The following CCDC91 variants were observed in gnomAD, a reference collection of about 807,000 sequenced individuals.
CCDC91 encodes coiled-coil domain containing 91.
In CCDC91, 48 loss-of-function variants were observed where a neutral mutation model predicts 63.2. That is an observed-to-expected ratio of 0.76 (90% CI 0.60 to 0.97). The LOEUF (loss-of-function observed/expected upper bound fraction) is 0.97, where lower values mean the gene tolerates loss of function less well. Ranked by LOEUF, CCDC91 falls within the 50% of genes least tolerant of loss-of-function variation. The pLI is 0.00. For synonymous variants in CCDC91, 167 were observed against 165.8 expected, an observed-to-expected ratio of 1.01 and a Z score of -0.06; for missense variants, 500 against 494.6, an observed-to-expected ratio of 1.01 and a Z score of -0.10.
chr12:28,502,757 A>G (rs1938108883), intron 12 of CCDC91, among the ~76,000 whole-genome samples: 2 of 151,082 alleles, frequency 1.3e-5, no homozygotes, highest in South Asian at 2.1e-4. Context: ...GGAACAGAAC[A>G]GAGCCCTCAG....
chr12:28,218,463 TA>T lies in CCDC91; in HGVS notation c.-15+27833del, dbSNP rs201289898. Among the ~76,000 whole-genome samples the T allele has an allele frequency of 1.1e-3, 101 of 95,836 alleles. 1 individual carries two copies. In the South Asian group the frequency reaches 0.011, roughly 11 times the overall value. The allele number at this position is 95,836 out of a possible 152,430, so 62.9% of individuals were successfully genotyped here. A position where few individuals can be genotyped will look rare whatever the true frequency, so the allele number is the denominator to read the frequency against. ...AACTCCTCAAGCTGGAAGACAAAAT[TA>T]AAAAAAAAAATCACCAATATTAAGT... On this transcript the variant is annotated intron_variant, in intron 1 of 12. Coordinates refer to ENST00000536442, the MANE Select transcript of CCDC91 (RefSeq NM_018318.5).
chr12:28,380,090 C>T (rs781471666), intron 7 of CCDC91, among the ~76,000 whole-genome samples: 21 of 151,914 alleles, frequency 1.4e-4, no homozygotes, highest in Admixed American at 2.6e-4. Context: ...AACCAAACAC[C>T]GCATGTTTTC....
intron 6 of CCDC91, among the ~76,000 whole-genome samples, chr12:28,343,409 G>A (rs557491070): frequency 6.6e-6 from 1 of 152,038 alleles, no homozygotes; most frequent in Non-Finnish European, 1.5e-5. Context: ...GAGAGTTTGA[G>A]AGGAATGATA....
At chr12:28,400,068 T>A (rs1327119592) in intron 8 of CCDC91, among the ~76,000 whole-genome samples, 1 of 152,194 alleles carries the variant, frequency 6.6e-6, no homozygotes, top group African/African-American at 2.4e-5. Flanking sequence ...CCTTCCTCAC[T>A]GCCCTAGCAG....
intron 8 of CCDC91, among the ~76,000 whole-genome samples, chr12:28,423,532 T>C (rs1324092948): frequency 1.1e-4 from 17 of 152,130 alleles, no homozygotes; most frequent in Non-Finnish European, 2.4e-4. Flanking sequence ...TCAACATTTA[T>C]TGCTATGAAA....
intron 6 of CCDC91, among the ~76,000 whole-genome samples, chr12:28,316,892 C>G (rs2137310078): frequency 6.6e-6 from 1 of 151,918 alleles, no homozygotes; most frequent in East Asian, 1.9e-4. Flanking sequence ...ATTTTCCCAG[C>G]AATTTGTCCT....
At chr12:28,389,472 A>G (rs924881027) in intron 7 of CCDC91, among the ~76,000 whole-genome samples, 4 of 152,086 alleles carry the variant, frequency 2.6e-5, no homozygotes, top group African/African-American at 9.7e-5. Context: ...TATTTTACTC[A>G]TTATCCTCCT....
intron 6 of CCDC91, among the ~76,000 whole-genome samples, chr12:28,317,597 T>C (rs1381439204): frequency 2.3e-4 from 35 of 152,118 alleles, no homozygotes; most frequent in Admixed American, 1.8e-3. Context: ...TTATTGTTTA[T>C]TTTCACCTTG....
At chr12:28,523,344 C>T (rs1940925595) in intron 12 of CCDC91, among the ~76,000 whole-genome samples, 2 of 152,070 alleles carry the variant, frequency 1.3e-5, no homozygotes, top group Admixed American at 1.3e-4. Flanking sequence ...TTCTTTGTCT[C>T]TTTTGATCTC....
intron 12 of CCDC91, among the ~76,000 whole-genome samples, chr12:28,516,059 G>A (rs1363453946): frequency 6.6e-6 from 1 of 151,968 alleles, no homozygotes; most frequent in Non-Finnish European, 1.5e-5. Flanking sequence ...TTCTGACATT[G>A]AAGCATTTCA....
intron 1 of CCDC91, among the ~76,000 whole-genome samples, chr12:28,219,467 C>A (rs1016371804): frequency 2.8e-5 from 4 of 144,108 alleles, no homozygotes; most frequent in African/African-American, 8.1e-5. Context: ...CCAGTGTAAC[C>A]ATTTTTTTTT....
intron 6 of CCDC91, among the ~76,000 whole-genome samples, chr12:28,349,381 TGTATA>T (rs1943031747): frequency 1.3e-5 from 2 of 152,200 alleles, no homozygotes; most frequent in Non-Finnish European, 2.9e-5. Flanking sequence ...CAGACTTGAC[TGTATA>T]GTTATAATGA....
intron 1 of CCDC91, among the ~76,000 whole-genome samples, chr12:28,243,035 A>T (rs1945449712): frequency 6.6e-6 from 1 of 152,180 alleles, no homozygotes; most frequent in Non-Finnish European, 1.5e-5. Flanking sequence ...CAACCTGCAG[A>T]ACCGTGGGCC....
rs114434431 is a variant in CCDC91, at chr12:28,254,515, T to A, written c.-14-2687T>A. Among the ~76,000 whole-genome samples, 414 of 152,328 alleles carry A rather than the reference T, an allele frequency of 2.7e-3. 3 individuals carry two copies. The highest frequency in any genetic ancestry group is 9.6e-3 in the African/African-American group (400 of 41,588). Reference sequence around the variant, plus strand: ...AAATACATAAATAAGCCCACATTTGTATATTTCCTTTTAAAAACTGTTGAT... The same window carrying A: ...AAATACATAAATAAGCCCACATTTGAATATTTCCTTTTAAAAACTGTTGAT... On this transcript the variant is annotated intron_variant, in intron 1 of 12. Coordinates refer to ENST00000536442, the MANE Select transcript of CCDC91 (RefSeq NM_018318.5).
intron 11 of CCDC91, among the ~76,000 whole-genome samples, chr12:28,457,409 A>T (rs1023755119): frequency 6.6e-6 from 1 of 151,346 alleles, no homozygotes. Context: ...AAAAGCAACC[A>T]TAATTAATAG....
At chr12:28,275,136 C>A (rs182642896) in intron 3 of CCDC91, among the ~76,000 whole-genome samples, 22 of 151,816 alleles carry the variant, frequency 1.4e-4, no homozygotes, top group African/African-American at 5.1e-4. Context: ...GAATTGAAGG[C>A]GATAGAGACA....
chr12:28,410,582 C>T (rs564993074), intron 8 of CCDC91, among the ~76,000 whole-genome samples: 1 of 152,158 alleles, frequency 6.6e-6, no homozygotes, highest in African/African-American at 2.4e-5. Context: ...AGTGCAGTGG[C>T]ATGATCTCGG....
At chr12:28,521,217 T>C (rs560011564) in intron 12 of CCDC91, among the ~76,000 whole-genome samples, 17 of 152,218 alleles carry the variant, frequency 1.1e-4, no homozygotes, top group Non-Finnish European at 1.8e-4. Flanking sequence ...TGGAATGTTC[T>C]TCCATTTGTT....
chr12:28,499,378 T>G (rs999763480), intron 12 of CCDC91, among the ~76,000 whole-genome samples: 10 of 151,686 alleles, frequency 6.6e-5, no homozygotes, highest in Non-Finnish European at 1.5e-4. Flanking sequence ...TTATTATACT[T>G]TAAGTTCTGG....
Sources: gnomAD v4.1 joint callset for allele counts (sites outside exome capture counted in the v4.1 genomes callset) on GRCh38, gnomAD v4.1.1 for gene constraint, MANE v1.5 for transcripts, NCBI Gene and HGNC (gene_info 2026-07-23, HGNC 2026-07-21) for gene names.